The following PSMA8 variants were observed in gnomAD, a reference collection of about 807,000 sequenced individuals.
PSMA8 encodes proteasome 20S subunit alpha 8, also known as proteasome subunit alpha-type 8.
In PSMA8, 18 loss-of-function variants were observed where a neutral mutation model predicts 32.4. The observed-to-expected ratio is 0.56, with a 90% CI of 0.38 to 0.82. The LOEUF (loss-of-function observed/expected upper bound fraction) is 0.82, where lower values mean the gene tolerates loss of function less well. Ranked by LOEUF, PSMA8 falls within the 40% of genes least tolerant of loss-of-function variation. The probability of loss-of-function intolerance (pLI) is 0.00; values close to 1 mark genes in which losing one functional copy is unlikely to be tolerated. For missense variants in PSMA8, 298 were observed against 300.7 expected (o/e 0.99, Z 0.07); for synonymous variants, 104 against 98.1 (o/e 1.06, Z -0.36).
rs150049726 is a variant in PSMA8, at chr18:26,182,373, T to C, written c.660+3243T>C. Among the ~76,000 whole-genome samples, 726 of 152,336 alleles carry C rather than the reference T, an allele frequency of 4.8e-3. 6 individuals carry two copies. Among genetic ancestry groups the C allele is most frequent in the African/African-American group, 0.017 (687 of 41,580 alleles). ...CTGCCTGGCTTCAAGGGACGGACTGTCTTGTTAGGGGATAATGCAGCTGGT... is the reference window on the plus strand; with the variant it reads ...CTGCCTGGCTTCAAGGGACGGACTGCCTTGTTAGGGGATAATGCAGCTGGT... On this transcript the variant is annotated intron_variant, in intron 6 of 6. Transcript: ENST00000415576.
intron 2 of PSMA8, among the ~76,000 whole-genome samples, chr18:26,147,989 T>C (rs2055017293): frequency 6.6e-6 from 1 of 152,128 alleles, no homozygotes; most frequent in African/African-American, 2.4e-5. Context: ...GATATATTAA[T>C]AGAAAATCTG....
intron 1 of PSMA8, among the ~76,000 whole-genome samples, chr18:26,136,366 T>C (rs1301323874): frequency 6.6e-6 from 1 of 152,196 alleles, no homozygotes; most frequent in East Asian, 1.9e-4. Flanking sequence ...CAAACTGTTA[T>C]TAGCTCTGTA....
intron 1 of PSMA8, among the ~76,000 whole-genome samples, chr18:26,138,695 T>C (rs1598639938): frequency 6.6e-6 from 1 of 152,344 alleles, no homozygotes; most frequent in Middle Eastern, 3.4e-3. Context: ...GACCAGTTAG[T>C]ATTCTGTGGA....
intron 1 of PSMA8, among the ~76,000 whole-genome samples, chr18:26,135,551 A>G (rs1030457724): frequency 1.3e-5 from 2 of 152,144 alleles, no homozygotes; most frequent in African/African-American, 4.8e-5. Flanking sequence ...TAATTTTTTT[A>G]GAATTATAAA....
intron 4 of PSMA8, chr18:26,171,198 T>C: frequency 6.4e-7 from 1 of 1,559,228 alleles, no homozygotes; most frequent in Admixed American, 1.8e-5. Context: ...TCTGAATTCA[T>C]TCCTGAGCGG....
chr18:26,134,744 C>T (rs993730104), intron 1 of PSMA8, among the ~76,000 whole-genome samples: 2 of 152,138 alleles, frequency 1.3e-5, no homozygotes, highest in African/African-American at 2.4e-5. Context: ...CACCTGAGGT[C>T]GGGAGTTTGA....
chr18:26,185,087 CAAA>C (rs772421124), intron 6 of PSMA8, among the ~76,000 whole-genome samples: 7 of 55,448 alleles, frequency 1.3e-4, no homozygotes, highest in Admixed American at 1.7e-4. Context: ...AACTCCATCT[CAAA>C]AAAAAAAAAA....
At chr18:26,166,900 G>GA (rs1191715983) in intron 4 of PSMA8, among the ~76,000 whole-genome samples, 1 of 152,140 alleles carries the variant, frequency 6.6e-6, no homozygotes, top group East Asian at 1.9e-4. Context: ...GTTTCTTTGC[G>GA]AAAAATTAAT....
In PSMA8 at chr18:26,157,952, A is replaced by T. The variant is rs75076656; in HGVS notation, c.355-170A>T. Among the ~76,000 whole-genome samples, 998 of 152,342 alleles carry T rather than the reference A, an allele frequency of 6.6e-3. 13 individuals carry two copies. Among genetic ancestry groups the T allele is most frequent in the East Asian group, 0.051 (266 of 5,194 alleles). ...TATAGACTGTATAGCATAATTTTTTAAAATTTCATCATGAATTGAGATTGC... is the reference window on the plus strand; with the variant it reads ...TATAGACTGTATAGCATAATTTTTTTAAATTTCATCATGAATTGAGATTGC... On this transcript the variant is annotated intron_variant, in intron 3 of 6. Coordinates refer to ENST00000415576, the MANE Select transcript of PSMA8 (RefSeq NM_001025096.2).
chr18:26,156,531 A>C (rs1318638375), intron 3 of PSMA8, among the ~76,000 whole-genome samples: 1 of 152,016 alleles, frequency 6.6e-6, no homozygotes, highest in Admixed American at 6.6e-5. Flanking sequence ...CCTGGAGGAC[A>C]TTGTGTTATG....
intron 4 of PSMA8, among the ~76,000 whole-genome samples, chr18:26,176,247 C>T (rs1230355894): frequency 1.3e-5 from 2 of 152,168 alleles, no homozygotes; most frequent in East Asian, 1.9e-4. Context: ...AGGAAAGTCA[C>T]CAGAAATGTG....
intron 1 of PSMA8, among the ~76,000 whole-genome samples, chr18:26,140,745 G>A (rs138777681): frequency 0.016 from 2,433 of 152,210 alleles, 38 homozygotes; most frequent in Middle Eastern, 0.061. Context: ...GAACATACCC[G>A]CTTTCATCTG....
chr18:26,141,438 A>G (rs2054954955), intron 1 of PSMA8, among the ~76,000 whole-genome samples: 1 of 152,150 alleles, frequency 6.6e-6, no homozygotes, highest in South Asian at 2.1e-4. Flanking sequence ...AATAAATTTA[A>G]CTTGATTTAT....
rs76508344 is a variant in PSMA8 at position 26,179,523 on chromosome 18, C to G, written c.660+393C>G. Among the ~76,000 whole-genome samples the G allele has an allele frequency of 9.4e-3, 1,428 of 152,196 alleles. 21 individuals are homozygous for G. The highest frequency in any genetic ancestry group is 0.033 in the African/African-American group (1,370 of 41,536). ...TAAACTTTAATACGTAGCACGATAA[C>G]CTTTCCATATTTCTTTGTGGCAAGT... On this transcript the variant is annotated intron_variant, in intron 6 of 6. Coordinates refer to ENST00000415576, the MANE Select transcript of PSMA8 (RefSeq NM_001025096.2).
At chr18:26,182,367 G>A (rs1031497960) in intron 6 of PSMA8, among the ~76,000 whole-genome samples, 4 of 152,150 alleles carry the variant, frequency 2.6e-5, no homozygotes, top group African/African-American at 7.2e-5. Flanking sequence ...TTCAAGGGAC[G>A]GACTGTCTTG....
In PSMA8 at chr18:26,144,746, A is replaced by T. The variant is rs955305516; in HGVS notation, c.229+61A>T. The T allele has an allele frequency of 1.6e-5, 24 of 1,481,358 alleles. No homozygotes were observed. The African/African-American group carries it at 3.3e-4, about 21-fold the overall frequency. 91.8% of individuals were successfully genotyped at this position (1,481,358 alleles called of 1,614,324 possible). On this transcript the variant is annotated intron_variant, in intron 2 of 6. Transcript: ENST00000415576. ...TTACTGTAGTAGGGCAACACAGTTA[A>T]CCTCAGTGCTGCAGTTGTGCTATAT...
rs140575609 is a variant in PSMA8, at chr18:26,174,702, C to T, written c.478-4128C>T. On this transcript the variant is annotated intron_variant, in intron 4 of 6. Transcript: ENST00000415576. Reference sequence around the variant, plus strand: ...TTCAAAATGGTAAGAATGTTAACTACGTCGTATACTTCTGAGCAATGTTTC... The same window carrying T: ...TTCAAAATGGTAAGAATGTTAACTATGTCGTATACTTCTGAGCAATGTTTC... 2.0e-4 allele frequency among the ~76,000 whole-genome samples: 31 copies of T among 152,262 alleles called. No homozygotes were observed. In the East Asian group the frequency reaches 3.1e-3, roughly 15 times the overall value.
At chr18:26,185,419 TA>T (rs1213217320) in intron 6 of PSMA8, among the ~76,000 whole-genome samples, 1 of 150,732 alleles carries the variant, frequency 6.6e-6, no homozygotes, top group African/African-American at 2.4e-5. Context: ...GGCTTCATCC[TA>T]AAGTTAGTGT....
chr18:26,184,717 T>C (rs1314838504), intron 6 of PSMA8, among the ~76,000 whole-genome samples: 1 of 145,522 alleles, frequency 6.9e-6, no homozygotes, highest in Non-Finnish European at 1.5e-5. Context: ...AAGGTTGCGA[T>C]GTGTCGAGAT....
Sources: gnomAD v4.1 joint callset for allele counts (sites outside exome capture counted in the v4.1 genomes callset) on GRCh38, gnomAD v4.1.1 for gene constraint, MANE v1.5 for transcripts, NCBI Gene and HGNC (gene_info 2026-07-23, HGNC 2026-07-21) for gene names.